The following REELD1 variants were observed in gnomAD, a reference collection of about 807,000 sequenced individuals.
REELD1 encodes reelin domain-containing protein 1.
A neutral mutation model predicts 6.3 loss-of-function variants in REELD1; 12 were observed. That is an observed-to-expected ratio of 1.89 (90% CI 1.21 to 3.07). The LOEUF is 3.07. Ranked by LOEUF, REELD1 falls within the 30% of genes most tolerant of loss-of-function variation. The pLI is 0.00. For synonymous variants in REELD1, 57 were observed against 33.6 expected, an observed-to-expected ratio of 1.70 and a Z score of -2.42; for missense variants, 163 against 86.8, an observed-to-expected ratio of 1.88 and a Z score of -3.49.
intron 5 of REELD1, among the ~76,000 whole-genome samples, chr4:146,226,153 A>G (rs1347164857): frequency 6.6e-6 from 1 of 152,146 alleles, no homozygotes; most frequent in Non-Finnish European, 1.5e-5. Flanking sequence ...AAAATTGGGA[A>G]ATTAGTATAT....
intron 3 of REELD1, among the ~76,000 whole-genome samples, chr4:146,221,945 A>G (rs1012855684): frequency 5.3e-5 from 8 of 152,124 alleles, no homozygotes; most frequent in African/African-American, 1.7e-4. Flanking sequence ...TGAATTCACC[A>G]TGACAATGAA....
At chr4:146,217,201 A>AGAGCCCCC in intron 3 of REELD1, 41 bp downstream of exon 3, 1 of 398,938 alleles carries the variant, frequency 2.5e-6, no homozygotes. Flanking sequence ...GAGGAGCCCC[A>AGAGCCCCC]GAGCCCCCAT....
chr4:146,218,924 G>A (rs1313966899), intron 3 of REELD1, among the ~76,000 whole-genome samples: 1 of 152,060 alleles, frequency 6.6e-6, no homozygotes. Flanking sequence ...CAAGGTGAGT[G>A]GATCACTTGA....
chr4:146,226,916 A>T (rs111648993), intron 5 of REELD1, among the ~76,000 whole-genome samples: 4 of 152,330 alleles, frequency 2.6e-5, no homozygotes, highest in African/African-American at 9.6e-5. Flanking sequence ...AATTACAGGC[A>T]TGCACCACTG....
chr4:146,229,227 GTCTT>G, intron 7 of REELD1, 139 bp downstream of exon 7: 1 of 590,292 alleles, frequency 1.7e-6, no homozygotes, highest in South Asian at 2.1e-5. Flanking sequence ...TACACACAGT[GTCTT>G]TCTACTAATC....
intron 5 of REELD1, among the ~76,000 whole-genome samples, chr4:146,225,600 G>A (rs188030853): frequency 6.6e-6 from 1 of 152,160 alleles, no homozygotes; most frequent in East Asian, 1.9e-4. Flanking sequence ...CTCGGAGCCT[G>A]AGACCATGGC....
chr4:146,221,617 T>C (rs539308069), intron 3 of REELD1, among the ~76,000 whole-genome samples: 48 of 152,292 alleles, frequency 3.2e-4, no homozygotes, highest in African/African-American at 1.2e-3. Flanking sequence ...TACCAGCACT[T>C]TGGGAGGCCG....
In REELD1 at chr4:146,223,768, G is replaced by C. The variant is rs142727154; in HGVS notation, c.432-677G>C. Among the ~76,000 whole-genome samples the C allele has an allele frequency of 3.8e-3, 577 of 152,320 alleles. 7 individuals carry two copies. Among genetic ancestry groups the C allele is most frequent in the African/African-American group, 0.013 (542 of 41,576 alleles). On this transcript the variant is annotated intron_variant, in intron 4 of 7. Coordinates refer to ENST00000623665, the MANE Select transcript of REELD1 (RefSeq NM_001354631.1). ...CGCCGAGTCTGGAAACCGCATGTTG[G>C]GGGCCTGAACTATGACGCTCACTGC...
At chr4:146,222,601 T>G (rs961360452) in intron 4 of REELD1, 22 bp downstream of exon 4, 1 of 398,508 alleles carries the variant, frequency 2.5e-6, no homozygotes, top group Non-Finnish European at 4.4e-6. Flanking sequence ...AAGTGCTGTT[T>G]CTTAGAAACT....
At chr4:146,225,601 A>T (rs367897916) in intron 5 of REELD1, among the ~76,000 whole-genome samples, 1 of 151,964 alleles carries the variant, frequency 6.6e-6, no homozygotes, top group African/African-American at 2.4e-5. Context: ...TCGGAGCCTG[A>T]GACCATGGCC....
At chr4:146,221,556 TG>T (rs1369704334) in intron 3 of REELD1, among the ~76,000 whole-genome samples, 1 of 152,222 alleles carries the variant, frequency 6.6e-6, no homozygotes, top group African/African-American at 2.4e-5. Context: ...CATGTATAAT[TG>T]CTTTAAAAAT....
rs1490813244 is a variant in REELD1 at position 146,228,376 on chromosome 4, C to T, written c.762C>T (p.Ala254=). The change falls in exon 6 of 8, where the codon GCC becomes GCT. Residue 254 remains alanine (A), a synonymous_variant. Coordinates refer to ENST00000623665, the MANE Select transcript of REELD1 (RefSeq NM_001354631.1). ...TGTCCCAACCATCTTCACACACAGCCACTGAAGGCAGCATCAACCAGCAAC... is the reference window on the plus strand; with the variant it reads ...TGTCCCAACCATCTTCACACACAGCTACTGAAGGCAGCATCAACCAGCAAC... ...ETLSQPSSHT[A]TEGSINQQPS... 1 of 702,554 alleles carries T rather than the reference C, an allele frequency of 1.4e-6. No individual in the cohort carries two copies. The highest frequency in any genetic ancestry group is 2.6e-6 in the Non-Finnish European group (1 of 385,000). 43.5% of individuals were successfully genotyped at this position (702,554 alleles called of 1,614,324 possible).
At chr4:146,227,052 C>T (rs184726483) in intron 5 of REELD1, among the ~76,000 whole-genome samples, 9 of 152,336 alleles carry the variant, frequency 5.9e-5, no homozygotes, top group African/African-American at 1.7e-4. Context: ...GGATTACAGG[C>T]GCGAGCGCCC....
At chr4:146,229,729 AGTGCATT>A (rs1731091028) in intron 7 of REELD1, among the ~76,000 whole-genome samples, 169 bp from the exon 8 acceptor site, 1 of 152,170 alleles carries the variant, frequency 6.6e-6, no homozygotes, top group African/African-American at 2.4e-5. Context: ...ATCAATAACA[AGTGCATT>A]TGTATCTAGT....
intron 3 of REELD1, among the ~76,000 whole-genome samples, chr4:146,219,258 C>T (rs747332255): frequency 4.6e-5 from 7 of 152,104 alleles, no homozygotes; most frequent in Non-Finnish European, 8.8e-5. Context: ...TGAAGGTATC[C>T]TGAGGGAAAC....
intron 3 of REELD1, among the ~76,000 whole-genome samples, chr4:146,219,407 T>C (rs1730881833): frequency 6.6e-6 from 1 of 152,182 alleles, no homozygotes; most frequent in South Asian, 2.1e-4. Flanking sequence ...TGTGAGCTCC[T>C]TGAAGGTAAG....
intron 3 of REELD1, among the ~76,000 whole-genome samples, chr4:146,219,580 C>T (rs2110917363): frequency 6.6e-6 from 1 of 152,298 alleles, no homozygotes; most frequent in African/African-American, 2.4e-5. Context: ...TTATAAAGGT[C>T]TGACCCTGAT....
chr4:146,227,689 G>A (rs1284655432), intron 5 of REELD1, among the ~76,000 whole-genome samples: 1 of 152,148 alleles, frequency 6.6e-6, no homozygotes, highest in Non-Finnish European at 1.5e-5. Context: ...TCATGCTCTG[G>A]GCTGTCAGGT....
intron 3 of REELD1, among the ~76,000 whole-genome samples, chr4:146,218,971 A>G (rs1730874069): frequency 6.6e-6 from 1 of 151,924 alleles, no homozygotes; most frequent in African/African-American, 2.4e-5. Context: ...CAACATGGCA[A>G]AACCCTGTCC....
Sources: gnomAD v4.1 joint callset for allele counts (sites outside exome capture counted in the v4.1 genomes callset) on GRCh38, gnomAD v4.1.1 for gene constraint, MANE v1.5 for transcripts, NCBI Gene and HGNC (gene_info 2026-07-23, HGNC 2026-07-21) for gene names.